FGD4: variants seen among roughly 807,000 people sequenced by gnomAD.
FGD4 encodes the protein FYVE, RhoGEF and PH domain-containing protein 4.
FGD4 carries 42 observed loss-of-function variants against 102.0 expected under a neutral mutation model. That is an observed-to-expected ratio of 0.41 (90% confidence interval 0.32 to 0.53). The LOEUF is 0.53. Among genes scored for constraint, FGD4 ranks in the 20% least tolerant of loss-of-function variants. FGD4 has a pLI of 0.21. For synonymous variants in FGD4, 380 were observed against 375.7 expected (o/e 1.01, Z -0.13); for missense variants, 902 against 1,078.2 (o/e 0.84, Z 2.29).
chr12:32,547,751 GGC>G (rs1943339999), intron 1 of FGD4, among the ~76,000 whole-genome samples: 1 of 152,188 alleles, frequency 6.6e-6, no homozygotes, highest in African/African-American at 2.4e-5. Context: ...TTGTTGCCCA[GGC>G]TGGAGTGCAG....
chr12:32,443,848 A>T (rs543068141), intron 1 of FGD4, among the ~76,000 whole-genome samples: 1 of 151,690 alleles, frequency 6.6e-6, no homozygotes, highest in Admixed American at 6.6e-5. Flanking sequence ...TATTATGACA[A>T]TTTTGAAGAA....
chr12:32,526,706 G>T (rs1025072538), intron 1 of FGD4, among the ~76,000 whole-genome samples: 2 of 152,142 alleles, frequency 1.3e-5, no homozygotes, highest in African/African-American at 4.8e-5. Context: ...CTCACTCTTT[G>T]GGTCCATGCT....
At chr12:32,626,465 A>T (rs977593572) in intron 14 of FGD4, among the ~76,000 whole-genome samples, 1 of 135,280 alleles carries the variant, frequency 7.4e-6, no homozygotes, top group African/African-American at 2.8e-5. Flanking sequence ...AAAAAAAAAA[A>T]GGGGGTTGAG....
chr12:32,479,639 T>C (rs765559303), intron 1 of FGD4, among the ~76,000 whole-genome samples: 2 of 150,382 alleles, frequency 1.3e-5, no homozygotes, highest in Non-Finnish European at 3.0e-5. Flanking sequence ...TTTAATCCTC[T>C]AAAGATTTTT....
chr12:32,446,922 C>T (rs868632326), intron 1 of FGD4, among the ~76,000 whole-genome samples: 4 of 152,158 alleles, frequency 2.6e-5, no homozygotes, highest in African/African-American at 9.7e-5. Context: ...ATGCATCCTG[C>T]CCAGAGCCGG....
At chr12:32,508,131 GC>G (rs1301270228) in intron 1 of FGD4, among the ~76,000 whole-genome samples, 3 of 152,192 alleles carry the variant, frequency 2.0e-5, no homozygotes, top group Non-Finnish European at 4.4e-5. Context: ...GGGTTCCTCG[GC>G]TGTGCACGTG....
chr12:32,552,635 T>A (rs1020004955), intron 1 of FGD4, among the ~76,000 whole-genome samples: 2 of 151,870 alleles, frequency 1.3e-5, no homozygotes, highest in Non-Finnish European at 2.9e-5. Flanking sequence ...CATTAGTACA[T>A]GGAACTCGGG....
At chr12:32,633,800 C>A in intron 15 of FGD4, 111 bp downstream of exon 15, 1 of 983,994 alleles carries the variant, frequency 1.0e-6, no homozygotes, top group Non-Finnish European at 1.5e-6. Context: ...ACTGCAACCT[C>A]AGCCTCCCAA....
chr12:32,534,927 T>C lies in FGD4; in HGVS notation c.167-29210T>C, dbSNP rs1404943938. On this transcript the variant is annotated intron_variant, in intron 1 of 16. Transcript: ENST00000534526. The stretch of plus-strand genomic sequence containing the variant: ...TTGTTCTGTTAAAACAAACAAAAAT[T>C]CCCACCATCCCAGTCTTGTTTTGGT... Among the ~76,000 whole-genome samples the C allele has an allele frequency of 2.0e-5, 3 of 152,334 alleles. No homozygotes were observed. In the East Asian group the frequency reaches 5.8e-4, roughly 29 times the overall value.
chr12:32,622,201 T>A (rs1483011517), intron 11 of FGD4, among the ~76,000 whole-genome samples: 1 of 152,152 alleles, frequency 6.6e-6, no homozygotes, highest in Admixed American at 6.5e-5. Flanking sequence ...GTAGTTCTGA[T>A]CATCATAGTT....
chr12:32,565,456 C>G (rs931315222), intron 2 of FGD4, among the ~76,000 whole-genome samples: 1 of 152,148 alleles, frequency 6.6e-6, no homozygotes. Context: ...ATGATTTAAG[C>G]CTTTTTATTT....
chr12:32,525,529 G>A (rs1358506785), intron 1 of FGD4, among the ~76,000 whole-genome samples: 4 of 152,232 alleles, frequency 2.6e-5, no homozygotes, highest in East Asian at 1.9e-4. Flanking sequence ...CAGAGCCCTC[G>A]CTTGCTCTCA....
At chr12:32,624,610 A>G (rs1370699692) in intron 12 of FGD4, 158 bp downstream of exon 12, 17 of 705,600 alleles carry the variant, frequency 2.4e-5, no homozygotes, top group Non-Finnish European at 2.5e-6. Context: ...AGCTGGGACT[A>G]TAGGCGTGCA....
chr12:32,453,212 A>ATATC (rs58780735), intron 1 of FGD4, among the ~76,000 whole-genome samples: 2,868 of 55,602 alleles, frequency 0.052, 136 homozygotes, highest in African/African-American at 0.12. Flanking sequence ...ATATATATAT[A>ATATC]TATATATAAT....
At chr12:32,534,266 G>A in intron 1 of FGD4, 1 of 1,288,860 alleles carries the variant, frequency 7.8e-7, no homozygotes, top group Non-Finnish European at 9.9e-7. Context: ...GGGAGGTGTG[G>A]CATGTTTTGC....
At chr12:32,599,426 G>A (rs1948175426) in intron 5 of FGD4, among the ~76,000 whole-genome samples, 1 of 116,422 alleles carries the variant, frequency 8.6e-6, no homozygotes, top group East Asian at 2.2e-4. Flanking sequence ...CCCGGGAGGC[G>A]GAGCTTGCAG....
chr12:32,518,809 T>C (rs558083009), intron 1 of FGD4, among the ~76,000 whole-genome samples: 3 of 149,486 alleles, frequency 2.0e-5, no homozygotes, highest in Non-Finnish European at 4.4e-5. Context: ...CATCTTTTTC[T>C]TTACAAAAGA....
intron 7 of FGD4, among the ~76,000 whole-genome samples, chr12:32,606,522 T>G (rs756086122): frequency 1.9e-3 from 283 of 152,064 alleles, no homozygotes; most frequent in South Asian, 2.5e-3. Flanking sequence ...ACTTCATGCT[T>G]CATTACTGTG....
chr12:32,524,213 G>A (rs764809635), intron 1 of FGD4, among the ~76,000 whole-genome samples: 3 of 151,136 alleles, frequency 2.0e-5, no homozygotes, highest in African/African-American at 7.3e-5. Flanking sequence ...TGGCTAACAC[G>A]GTGAAACCCC....
Sources: gnomAD v4.1 joint callset for allele counts (sites outside exome capture counted in the v4.1 genomes callset) on GRCh38, gnomAD v4.1.1 for gene constraint, MANE v1.5 for transcripts, NCBI Gene and HGNC (gene_info 2026-07-23, HGNC 2026-07-21) for gene names.